The following PRR15L variants were observed in gnomAD, a reference collection of about 807,000 sequenced individuals.
PRR15L encodes the protein proline rich 15 like.
In PRR15L, 1 loss-of-function variant was observed where a neutral mutation model predicts 3.7. The ratio of observed to expected loss-of-function variants is 0.27; its 90% CI spans 0.09 to 1.27. The LOEUF is 1.27. PRR15L is among the 50% of genes most tolerant of loss of function. The pLI is 0.47. For missense variants in PRR15L, 127 were observed against 128.7 expected (o/e 0.99, Z 0.06); for synonymous variants, 57 against 51.9 (o/e 1.10, Z -0.42).
At chr17:47,953,656 CAA>C (rs35835097) in intron 1 of PRR15L, among the ~76,000 whole-genome samples, 84 of 130,042 alleles carry the variant, frequency 6.5e-4, no homozygotes, top group Admixed American at 1.1e-3. Flanking sequence ...GAGACTATCT[CAA>C]AAAAAAAAAA....
Position 47,953,097 on chromosome 17 carries a change from G to C in PRR15L, c.138C>G (p.Gly46=). 6.2e-7 allele frequency: 1 copy of C among 1,614,124 alleles called. No homozygotes were observed. The highest frequency in any genetic ancestry group is 1.3e-5 in the African/African-American group (1 of 75,020). Residue 46 remains glycine (G), a synonymous_variant, in exon 2 of 2, where the codon GGC becomes GGG. Transcript: ENST00000300557. Reference sequence around the variant, plus strand: ...GGCGGGTGTTAAAGTCGCTGTTGGGGCCTCCAGCGTCAGGCCTCGGGGGTT... The same window carrying C: ...GGCGGGTGTTAAAGTCGCTGTTGGGCCCTCCAGCGTCAGGCCTCGGGGGTT... The part of the protein sequence containing the change: ...DAEPPRPDAG[G]PNSDFNTRLE...
In PRR15L at chr17:47,952,562, T is replaced by A; in HGVS notation, c.*361A>T. 1 of 202,418 alleles carries A rather than the reference T, an allele frequency of 4.9e-6. No homozygotes were observed. Among genetic ancestry groups the A allele is most frequent in the Non-Finnish European group, 1.0e-5 (1 of 99,498 alleles). 12.5% of individuals were successfully genotyped at this position (202,418 alleles called of 1,614,324 possible). ...AGCAATTGAAACTCGCCCTTGACCC[T>A]GTGTCCAGTAAGGAGGTGAAGTCTG... On this transcript the variant is annotated 3_prime_UTR_variant, in exon 2 of 2. Transcript: ENST00000300557.
rs201539562 is a variant in PRR15L, at chr17:47,953,088, G to A, written c.147C>T (p.Ser49=). ...PPRPDAGGPN[S]DFNTRLEKIV... ...TCTTCTCCAGGCGGGTGTTAAAGTC[G>A]CTGTTGGGGCCTCCAGCGTCAGGCC... Residue 49 remains serine, a synonymous_variant, in exon 2 of 2, where the codon AGC becomes AGT. Transcript: ENST00000300557. 7.9e-5 allele frequency: 128 copies of A among 1,613,994 alleles called. No individual in the cohort carries two copies. The highest frequency in any genetic ancestry group is 1.6e-4 in the Middle Eastern group (1 of 6,084).
intron 1 of PRR15L, among the ~76,000 whole-genome samples, chr17:47,954,919 G>A (rs2036110816): frequency 6.7e-6 from 1 of 150,198 alleles, no homozygotes; most frequent in African/African-American, 2.4e-5. Context: ...TCCAAATGAT[G>A]TGCCTTTTTT....
In PRR15L at chr17:47,955,154, C is replaced by G. The variant is rs2036114768; in HGVS notation, c.-29-1891G>C. 3.3e-5 allele frequency among the ~76,000 whole-genome samples: 5 copies of G among 152,084 alleles called. No homozygotes were observed. The South Asian group carries it at 1.0e-3, about 32-fold the overall frequency. ...ATGTTGGTCAGGCTGGTCTCGAACT[C>G]CTGACCTCAGGTGATCCACCCACCT... On this transcript the variant is annotated intron_variant, in intron 1 of 1. Transcript: ENST00000300557.
intron 1 of PRR15L, among the ~76,000 whole-genome samples, chr17:47,955,833 C>G (rs2036122440): frequency 6.6e-6 from 1 of 152,218 alleles, no homozygotes; most frequent in African/African-American, 2.4e-5. Flanking sequence ...ATGAGGCCCA[C>G]AGCCCCACCA....
At chr17:47,954,490 T>G (rs1757860335) in intron 1 of PRR15L, among the ~76,000 whole-genome samples, 1 of 152,204 alleles carries the variant, frequency 6.6e-6, no homozygotes, top group Admixed American at 6.5e-5. Context: ...CATCACAGGT[T>G]GTACCTTGCA....
At chr17:47,955,389 G>A (rs2036117416) in intron 1 of PRR15L, among the ~76,000 whole-genome samples, 1 of 152,138 alleles carries the variant, frequency 6.6e-6, no homozygotes, top group Admixed American at 6.5e-5. Flanking sequence ...TTTACGATGA[G>A]CTGAATGCCT....
intron 1 of PRR15L, among the ~76,000 whole-genome samples, chr17:47,956,246 T>C (rs1338218399): frequency 1.3e-5 from 2 of 152,230 alleles, no homozygotes; most frequent in Non-Finnish European, 2.9e-5. Context: ...GAGGATTGCT[T>C]GAGGCCAGGA....
chr17:47,954,800 C>A (rs2036110030), intron 1 of PRR15L, among the ~76,000 whole-genome samples: 1 of 152,198 alleles, frequency 6.6e-6, no homozygotes, highest in African/African-American at 2.4e-5. Context: ...GCTGTGAAAG[C>A]TCCCAGGAAG....
chr17:47,957,066 C>T (rs1354261874), intron 1 of PRR15L, among the ~76,000 whole-genome samples: 1 of 152,260 alleles, frequency 6.6e-6, no homozygotes, highest in Non-Finnish European at 1.5e-5. Context: ...GACAGCCTGC[C>T]ACCCCCTGTC....
chr17:47,953,210 T>C lies in PRR15L; in HGVS notation c.25A>G (p.Lys9Glu). The C allele has an allele frequency of 1.3e-6, 2 of 1,589,182 alleles. No individual in the cohort carries two copies. The highest frequency in any genetic ancestry group is 1.7e-6 in the Non-Finnish European group (2 of 1,165,732). MTTEIGWWKLTFLRKKKST... is the reference protein window; with the variant it reads MTTEIGWWELTFLRKKKST... Reference sequence around the variant, plus strand: ...TTCTTTTTCCGGAGGAAAGTCAGCTTCCACCAACCAATTTCAGTCGTCATG... The same window carrying C: ...TTCTTTTTCCGGAGGAAAGTCAGCTCCCACCAACCAATTTCAGTCGTCATG... Residue 9 changes from lysine (K) to glutamate (E), a missense_variant, in exon 2 of 2, where the codon AAG becomes GAG. Coordinates refer to ENST00000300557, the MANE Select transcript of PRR15L (RefSeq NM_024320.4).
chr17:47,957,142 T>C (rs1293953490), intron 1 of PRR15L, among the ~76,000 whole-genome samples: 1 of 152,172 alleles, frequency 6.6e-6, no homozygotes, highest in Non-Finnish European at 1.5e-5. Context: ...ACCAGCTGGG[T>C]TCTGTGAGCT....
rs1249262385 is a variant in PRR15L, at chr17:47,952,691, C to A, written c.*232G>T. ...CTGGGTGAGACTTTTCACTCTTGAA[C>A]TAGAGTGCCTTTGTATGTGGTCAGG... On this transcript the variant is annotated 3_prime_UTR_variant, in exon 2 of 2. Coordinates refer to ENST00000300557, the MANE Select transcript of PRR15L (RefSeq NM_024320.4). The A allele has an allele frequency of 2.2e-6, 1 of 458,874 alleles. No homozygotes were observed. Among genetic ancestry groups the A allele is most frequent in the Non-Finnish European group, 3.9e-6 (1 of 256,924 alleles). The allele number at this position is 458,874 out of a possible 1,614,324, so 28.4% of individuals were successfully genotyped here. A position where few individuals can be genotyped will look rare whatever the true frequency, so the allele number is the denominator to read the frequency against.
chr17:47,956,691 T>G (rs2036132374), intron 1 of PRR15L, among the ~76,000 whole-genome samples: 1 of 152,180 alleles, frequency 6.6e-6, no homozygotes, highest in Non-Finnish European at 1.5e-5. Flanking sequence ...TCATAAAAGA[T>G]AGTGTAAAAT....
chr17:47,953,079 G>A lies in PRR15L; in HGVS notation c.156C>T (p.Asn52=). The A allele has an allele frequency of 1.2e-6, 2 of 1,614,156 alleles. No individual in the cohort carries two copies. Among genetic ancestry groups the A allele is most frequent in the Non-Finnish European group, 1.7e-6 (2 of 1,180,030 alleles). The change falls in exon 2 of 2, where the codon AAC becomes AAT. Residue 52 remains asparagine, a synonymous_variant. Coordinates refer to ENST00000300557, the MANE Select transcript of PRR15L (RefSeq NM_024320.4). ...PDAGGPNSDF[N]TRLEKIVDKS... is the part of the protein sequence containing the mutation. ...TGTCCACAATCTTCTCCAGGCGGGT[G>A]TTAAAGTCGCTGTTGGGGCCTCCAG...
At chr17:47,955,090 C>T (rs934719224) in intron 1 of PRR15L, among the ~76,000 whole-genome samples, 12 of 151,886 alleles carry the variant, frequency 7.9e-5, no homozygotes, top group Non-Finnish European at 1.0e-4. Flanking sequence ...CCACCACGCC[C>T]GGCTAATTTT....
At position 47,953,033 on chromosome 17, in the gene PRR15L, C is replaced by T. The variant is rs372553294; in HGVS notation, c.202G>A (p.Val68Ile). The T allele has an allele frequency of 3.0e-5, 48 of 1,614,152 alleles. No homozygotes were observed. The Admixed American group carries it at 5.2e-4, about 17-fold the overall frequency. Residue 68 changes from valine to isoleucine, a missense_variant, in exon 2 of 2, where the codon GTC becomes ATC. By Grantham distance (29) the Val-to-Ile change is conservative. Coordinates refer to ENST00000300557, the MANE Select transcript of PRR15L (RefSeq NM_024320.4). ...IVDKSTKGKH[V>I]KVSNSGRFKE... Reference sequence around the variant, plus strand: ...AAGCGTCCTGAGTTGGAGACCTTGACGTGCTTGCCCTTTGTGCTCTTGTCC... The same window carrying T: ...AAGCGTCCTGAGTTGGAGACCTTGATGTGCTTGCCCTTTGTGCTCTTGTCC...
At chr17:47,953,676 G>GA (rs1372711981) in intron 1 of PRR15L, among the ~76,000 whole-genome samples, 12 of 149,290 alleles carry the variant, frequency 8.0e-5, no homozygotes, top group East Asian at 5.9e-4. Flanking sequence ...AAAAAAGAAA[G>GA]AAGAAGAAGA....
Sources: allele counts gnomAD v4.1 joint callset (sites outside exome capture counted in the v4.1 genomes callset), GRCh38; gene constraint gnomAD v4.1.1; transcripts MANE v1.5; gene names NCBI Gene and HGNC (gene_info 2026-07-23, HGNC 2026-07-21).